The following NAALADL2 variants were observed in gnomAD, a reference collection of about 807,000 sequenced individuals.
NAALADL2 encodes the protein inactive N-acetylated-alpha-linked acidic dipeptidase-like protein 2.
NAALADL2 carries 76 observed loss-of-function variants against 87.2 expected under a neutral mutation model. The observed-to-expected ratio is 0.87, with a 90% CI of 0.72 to 1.05. The LOEUF (loss-of-function observed/expected upper bound fraction) is 1.05. Ranked by LOEUF, NAALADL2 falls within the 50% of genes least tolerant of loss-of-function variation. The pLI is 0.00. For synonymous variants in NAALADL2, 354 were observed against 331.0 expected (o/e 1.07, Z -0.75); for missense variants, 1,089 against 945.8 (o/e 1.15, Z -1.99).
intron 1 of NAALADL2, among the ~76,000 whole-genome samples, chr3:174,965,156 C>A (rs1332892973): frequency 6.6e-6 from 1 of 152,088 alleles, no homozygotes; most frequent in Non-Finnish European, 1.5e-5. Flanking sequence ...GAATGATTCT[C>A]CTGTAAGATG....
At chr3:175,024,943 A>G (rs766562103) in intron 1 of NAALADL2, among the ~76,000 whole-genome samples, 4 of 152,150 alleles carry the variant, frequency 2.6e-5, no homozygotes, top group African/African-American at 4.8e-5. Flanking sequence ...CATTTCATGT[A>G]TAAAATGTTT....
chr3:174,498,524 A>G (rs980343078), intron 1 of NAALADL2, among the ~76,000 whole-genome samples: 2 of 151,548 alleles, frequency 1.3e-5, no homozygotes, highest in Non-Finnish European at 2.9e-5. Flanking sequence ...AAGACTGTGT[A>G]TAGACCTGTG....
intron 11 of NAALADL2, among the ~76,000 whole-genome samples, chr3:175,657,642 A>G (rs770660612): frequency 2.7e-5 from 4 of 150,128 alleles, no homozygotes; most frequent in African/African-American, 7.4e-5. Context: ...GTGCAGTGGC[A>G]CGATCTGGGC....
At position 175,097,167 on chromosome 3, in the gene NAALADL2, T is replaced by C. The variant is rs747226248; in HGVS notation, c.421T>C (p.Leu141=). The part of the protein sequence containing the change: ...TATILFIFGI[L]IGYYVHTNCP... ...CACCATTTTATTTATTTTTGGGATT[T>C]TGATAGGTTATTATGTACATACAAA... The change falls in exon 2 of 14, where the codon TTG becomes CTG. Residue 141 remains leucine, a synonymous_variant. Coordinates refer to ENST00000454872, the MANE Select transcript of NAALADL2 (RefSeq NM_207015.3). 3 of 1,613,840 alleles carry C rather than the reference T, an allele frequency of 1.9e-6. No individual in the cohort carries two copies. Among genetic ancestry groups the C allele is most frequent in the Admixed American group, 3.3e-5 (2 of 60,002 alleles).
intron 11 of NAALADL2, among the ~76,000 whole-genome samples, chr3:175,698,473 G>GTATATATTTATATATATA (rs1315132432): frequency 6.1e-5 from 5 of 82,092 alleles, no homozygotes; most frequent in African/African-American, 4.7e-4. Flanking sequence ...ATATATGTGT[G>GTATATATTTATATATATA]TATATATATT....
intron 2 of NAALADL2, among the ~76,000 whole-genome samples, chr3:174,698,248 AT>A (rs72284854): frequency 7.9e-5 from 12 of 151,166 alleles, no homozygotes; most frequent in African/African-American, 1.9e-4. Flanking sequence ...CTGTTTCCAT[AT>A]TTTTTTTTAC....
chr3:174,601,495 A>AT (rs1160082110), intron 2 of NAALADL2, among the ~76,000 whole-genome samples: 3 of 151,904 alleles, frequency 2.0e-5, no homozygotes, highest in African/African-American at 7.2e-5. Context: ...AGATTATTAG[A>AT]TTTTTTTGCT....
intron 1 of NAALADL2, among the ~76,000 whole-genome samples, chr3:174,501,139 C>T (rs1242314250): frequency 9.7e-5 from 13 of 133,362 alleles, no homozygotes; most frequent in Admixed American, 3.8e-4. Context: ...AGTGCAGTGG[C>T]GGGATCTCGG....
chr3:175,302,947 A>G (rs2110235149), intron 4 of NAALADL2, among the ~76,000 whole-genome samples: 1 of 152,132 alleles, frequency 6.6e-6, no homozygotes, highest in Non-Finnish European at 1.5e-5. Context: ...GGAAGAGAAA[A>G]ATTATGTTTC....
chr3:175,599,973 C>G (rs1170025279), intron 10 of NAALADL2, among the ~76,000 whole-genome samples: 1 of 151,792 alleles, frequency 6.6e-6, no homozygotes, highest in Non-Finnish European at 1.5e-5. Flanking sequence ...GTGTTATATC[C>G]CACAGTTCCT....
intron 3 of NAALADL2, among the ~76,000 whole-genome samples, chr3:174,814,195 A>G (rs9829176): frequency 0.56 from 84,291 of 151,662 alleles, 24,609 homozygotes; most frequent in African/African-American, 0.75. Flanking sequence ...TGCAAGCTCC[A>G]CCCCCCGGGT....
rs1760388890 is a variant in NAALADL2 at position 175,324,214 on chromosome 3, C to T, written c.979C>T (p.Leu327=). ...AAAGGCTGGATTTGGAGGTGTTCTT[C>T]TGTATATCGATCCTTGTGATTTGCC... The part of the protein sequence containing the change: ...LEKAGFGGVL[L]YIDPCDLPKT... Residue 327 remains leucine (L), a synonymous_variant, in exon 5 of 14, where the codon CTG becomes TTG. Transcript: ENST00000454872. 2 of 1,613,616 alleles carry T rather than the reference C, an allele frequency of 1.2e-6. No homozygotes were observed. Among genetic ancestry groups the T allele is most frequent in the East Asian group, 2.2e-5 (1 of 44,854 alleles).
chr3:175,144,619 A>G (rs1216232786), intron 2 of NAALADL2, among the ~76,000 whole-genome samples: 1 of 151,872 alleles, frequency 6.6e-6, no homozygotes, highest in Non-Finnish European at 1.5e-5. Context: ...TTTATCCCCC[A>G]CATGCAGGAT....
intron 4 of NAALADL2, among the ~76,000 whole-genome samples, chr3:175,312,991 C>T (rs1758579124): frequency 2.0e-5 from 3 of 152,140 alleles, no homozygotes; most frequent in Admixed American, 2.0e-4. Context: ...GCGGCTTAAA[C>T]TACGAAAAAT....
chr3:175,428,034 A>G (rs1202778358), intron 5 of NAALADL2, among the ~76,000 whole-genome samples: 1 of 152,134 alleles, frequency 6.6e-6, no homozygotes, highest in Admixed American at 6.6e-5. Flanking sequence ...AAGAACATAA[A>G]TGGCACTAAT....
chr3:175,774,948 A>T (rs182116135), intron 13 of NAALADL2: 2 of 152,186 alleles, frequency 1.3e-5, no homozygotes. Context: ...CTTACCTTAT[A>T]GTTCTACTTT....
At chr3:175,763,455 G>C (rs1748301025) in intron 13 of NAALADL2, among the ~76,000 whole-genome samples, 1 of 152,130 alleles carries the variant, frequency 6.6e-6, no homozygotes, top group Admixed American at 6.6e-5. Flanking sequence ...GGCTACTGTT[G>C]TGTCTCTATC....
At chr3:175,621,135 T>C (rs1189431559) in intron 10 of NAALADL2, among the ~76,000 whole-genome samples, 1 of 152,132 alleles carries the variant, frequency 6.6e-6, no homozygotes, top group Non-Finnish European at 1.5e-5. Flanking sequence ...AACCGGCAGC[T>C]CGGTTTTCCG....
intron 1 of NAALADL2, among the ~76,000 whole-genome samples, chr3:174,455,839 C>T (rs1715796556): frequency 6.6e-6 from 1 of 152,128 alleles, no homozygotes; most frequent in African/African-American, 2.4e-5. Context: ...TCTCACCACT[C>T]CTATTCAACA....
Sources: allele counts gnomAD v4.1 joint callset (sites outside exome capture counted in the v4.1 genomes callset), GRCh38; gene constraint gnomAD v4.1.1; transcripts MANE v1.5; gene names NCBI Gene and HGNC (gene_info 2026-07-23, HGNC 2026-07-21).